REPS2: variants seen among roughly 807,000 people sequenced by gnomAD.
REPS2 encodes the protein ralBP1-associated Eps domain-containing protein 2.
A neutral mutation model predicts 53.6 loss-of-function variants in REPS2; 23 were observed. The ratio of observed to expected loss-of-function variants is 0.43; its 90% confidence interval spans 0.31 to 0.61. The LOEUF (loss-of-function observed/expected upper bound fraction) is 0.61. Ranked by LOEUF, REPS2 falls within the 20% of genes least tolerant of loss-of-function variation. The probability of loss-of-function intolerance (pLI) is 0.11; values close to 1 mark genes in which losing one functional copy is unlikely to be tolerated. For synonymous variants in REPS2, 238 were observed against 218.6 expected (o/e 1.09, Z -0.78); for missense variants, 446 against 534.9 (o/e 0.83, Z 1.64).
At chrX:16,964,590 T>A (rs1363959590) in intron 1 of REPS2, among the ~76,000 whole-genome samples, 1 of 109,597 alleles carries the variant, frequency 9.1e-6, no homozygotes, top group East Asian at 3.0e-4. Context: ...GGCTCCTCAC[T>A]TCCCAGTAGG....
chrX:17,004,728 T>C (rs1005243640), intron 1 of REPS2, among the ~76,000 whole-genome samples: 2 of 112,167 alleles, frequency 1.8e-5, no homozygotes, highest in Non-Finnish European at 3.8e-5. Flanking sequence ...GCAATTTCAG[T>C]TACCTGTAGT....
Position 16,968,558 on chromosome X carries a change from T to C in REPS2, c.273+21424T>C, listed in dbSNP as rs368327357. ...CTCCCTCCGGGACGGGGTGGCTGGC[T>C]GGGCAGAGGGGCTCCTCACTTCCCA... On this transcript the variant is annotated intron_variant, in intron 1 of 17. Coordinates refer to ENST00000357277, the MANE Select transcript of REPS2 (RefSeq NM_004726.3). 8.4e-3 allele frequency among the ~76,000 whole-genome samples: 574 copies of C among 68,212 alleles called. 5 individuals carry two copies. Among genetic ancestry groups the C allele is most frequent in the African/African-American group, 0.025 (434 of 17,690 alleles). 59.2% of individuals were successfully genotyped at this position (68,212 alleles called of 115,157 possible). A position where few individuals can be genotyped will look rare whatever the true frequency, so the allele number is the denominator to read the frequency against.
At position 16,946,698 on chromosome X, in the gene REPS2, G is replaced by T. The variant is rs1201505830; in HGVS notation, c.-164G>T. On this transcript the variant is annotated 5_prime_UTR_variant, in exon 1 of 18. Transcript: ENST00000357277. ...GGGTGGGGCCGGCGCGCGCCGGGAG[G>T]AAGCGGCCGCGCGGCAGCTGCGGGG... is the stretch of plus-strand genomic sequence containing the variant. The T allele has an allele frequency of 5.6e-6, 3 of 536,228 alleles. No homozygotes were observed. Among genetic ancestry groups the T allele is most frequent in the Admixed American group, 1.8e-4 (2 of 10,910 alleles). 44.2% of individuals were successfully genotyped at this position (536,228 alleles called of 1,213,427 possible).
chrX:17,048,815 A>C (rs1602799555), intron 6 of REPS2, among the ~76,000 whole-genome samples: 1 of 113,103 alleles, frequency 8.8e-6, no homozygotes, highest in East Asian at 2.7e-4. Flanking sequence ...AGCCTAGCAC[A>C]TATGATTATG....
chrX:17,002,467 G>C (rs750567280), intron 1 of REPS2, among the ~76,000 whole-genome samples: 1 of 111,573 alleles, frequency 9.0e-6, no homozygotes, highest in African/African-American at 3.3e-5. Context: ...CCTAATGTTG[G>C]GTAATCAGAT....
intron 14 of REPS2, among the ~76,000 whole-genome samples, chrX:17,132,780 C>A (rs1487117138): frequency 9.0e-6 from 1 of 111,689 alleles, no homozygotes; most frequent in Admixed American, 9.4e-5. Flanking sequence ...TCAGGTGATC[C>A]GCCTGCTTCG....
In REPS2 at chrX:17,062,502, T is replaced by C; in HGVS notation, c.1179T>C (p.Asn393=). The change falls in exon 9 of 18, where the codon AAT becomes AAC. Residue 393 remains asparagine (N), a synonymous_variant. Coordinates refer to ENST00000357277, the MANE Select transcript of REPS2 (RefSeq NM_004726.3). ...FDSYSESLPA[N]QQPRDLNRME... is the part of the protein sequence containing the mutation. ...CTTATTCTGAGTCACTGCCGGCAAA[T>C]CAACAACCTCGTGACTTGAATCGGA... 1 of 1,204,861 alleles carries C rather than the reference T, an allele frequency of 8.3e-7. No individual in the cohort carries two copies. The highest frequency in any genetic ancestry group is 1.1e-6 in the Non-Finnish European group (1 of 891,413).
intron 2 of REPS2, among the ~76,000 whole-genome samples, chrX:17,011,232 T>G (rs1322648833): frequency 9.0e-6 from 1 of 111,558 alleles, no homozygotes; most frequent in Non-Finnish European, 1.9e-5. Context: ...CCTTAAATGT[T>G]GGCACTAGGT....
Position 17,044,440 on chromosome X carries a change from G to A in REPS2, c.772-2907G>A, listed in dbSNP as rs2061876281. The A allele has an allele frequency of 4.3e-5, 5 of 117,407 alleles. No homozygotes were observed. The South Asian group carries it at 1.4e-3, about 33-fold the overall frequency. The allele number at this position is 117,407 out of a possible 1,213,427, so 9.7% of individuals were successfully genotyped here. A position where few individuals can be genotyped will look rare whatever the true frequency, so the allele number is the denominator to read the frequency against. ...AGCAAACAGAATGGTGATGGTCAAG[G>A]AAACTGACTCTGGGCTCCTTTTTGA... On this transcript the variant is annotated intron_variant, in intron 5 of 17. Coordinates refer to ENST00000357277, the MANE Select transcript of REPS2 (RefSeq NM_004726.3).
At chrX:16,986,930 G>A (rs2061098994) in intron 1 of REPS2, among the ~76,000 whole-genome samples, 1 of 103,908 alleles carries the variant, frequency 9.6e-6, no homozygotes, top group Non-Finnish European at 2.0e-5. Context: ...TTTTTTCTGA[G>A]ACAGGTTCTT....
downstream of REPS2, among the ~76,000 whole-genome samples, chrX:17,153,930 A>G (rs140102254): frequency 5.4e-5 from 6 of 111,522 alleles, no homozygotes; most frequent in African/African-American, 2.0e-4. Flanking sequence ...CTTTAGAAAT[A>G]AAAGGGATCT....
intron 5 of REPS2, among the ~76,000 whole-genome samples, chrX:17,042,671 C>A (rs1014334864): frequency 2.1e-4 from 23 of 108,737 alleles, no homozygotes; most frequent in African/African-American, 7.2e-4. Context: ...GATGTACCTG[C>A]CAGGGACTAT....
intron 15 of REPS2, 37 bp downstream of exon 15, chrX:17,133,944 C>G (rs775185058): frequency 9.8e-7 from 1 of 1,022,372 alleles, no homozygotes; most frequent in African/African-American, 1.9e-5. Flanking sequence ...GATGGCGTTG[C>G]GAGTCCCACC....
intron 1 of REPS2, among the ~76,000 whole-genome samples, chrX:17,004,574 C>T (rs753054775): frequency 2.7e-5 from 3 of 110,967 alleles, no homozygotes; most frequent in Admixed American, 1.9e-4. Context: ...GCTTAACTCA[C>T]TTATGTGTAT....
chrX:16,988,310 G>T (rs1013891490), intron 1 of REPS2, among the ~76,000 whole-genome samples: 3 of 111,185 alleles, frequency 2.7e-5, no homozygotes, highest in African/African-American at 9.8e-5. Flanking sequence ...GTCTCTATTT[G>T]CAGATGACAT....
intron 13 of REPS2, among the ~76,000 whole-genome samples, chrX:17,099,543 A>T (rs1464113738): frequency 2.7e-5 from 3 of 111,969 alleles, no homozygotes; most frequent in African/African-American, 9.7e-5. Flanking sequence ...CAAAGTGCAG[A>T]AAAGGTTGCC....
In REPS2 at chrX:16,946,702, C is replaced by T. The variant is rs938801945; in HGVS notation, c.-160C>T. 6 of 558,452 alleles carry T rather than the reference C, an allele frequency of 1.1e-5. No homozygotes were observed. The highest frequency in any genetic ancestry group is 1.3e-5 in the Non-Finnish European group (6 of 466,905). The allele number at this position is 558,452 out of a possible 1,213,427, so 46.0% of individuals were successfully genotyped here. ...GGGGCCGGCGCGCGCCGGGAGGAAGCGGCCGCGCGGCAGCTGCGGGGCGTG... is the reference window on the plus strand; with the variant it reads ...GGGGCCGGCGCGCGCCGGGAGGAAGTGGCCGCGCGGCAGCTGCGGGGCGTG... On this transcript the variant is annotated 5_prime_UTR_variant, in exon 1 of 18. Transcript: ENST00000357277.
chrX:17,050,145 T>TTCCTTCCTTCCTTCCTTCCTTC (rs1569148250), intron 6 of REPS2, among the ~76,000 whole-genome samples: 3 of 35,245 alleles, frequency 8.5e-5, no homozygotes, highest in African/African-American at 2.6e-4. Context: ...TTTCTTCCTT[T>TTCCTTCCTTCCTTCCTTCCTTC]CTTTCTTTCT....
chrX:17,052,541 T>C lies in REPS2; in HGVS notation c.971+96T>C, dbSNP rs771605524. 3 of 644,666 alleles carry C rather than the reference T, an allele frequency of 4.7e-6. No homozygotes were observed. In the East Asian group the frequency reaches 1.1e-4, roughly 23 times the overall value. 53.1% of individuals were successfully genotyped at this position (644,666 alleles called of 1,213,427 possible). On this transcript the variant is annotated intron_variant, in intron 7 of 17. Transcript: ENST00000357277. ...ATTTTTTAAAGGCTTATGTTTTGAA[T>C]GATGTTTTTAACAGACTACAGGAGT... is the stretch of plus-strand genomic sequence containing the variant.
Sources: gnomAD v4.1 joint callset for allele counts (sites outside exome capture counted in the v4.1 genomes callset) on GRCh38, gnomAD v4.1.1 for gene constraint, MANE v1.5 for transcripts, NCBI Gene and HGNC (gene_info 2026-07-23, HGNC 2026-07-21) for gene names.